The following MTPN variants were observed in gnomAD, a reference collection of about 807,000 sequenced individuals.
MTPN encodes myotrophin.
Under a neutral mutation model 13.5 loss-of-function variants are expected in MTPN, and 2 were observed. The ratio of observed to expected loss-of-function variants is 0.15; its 90% CI spans 0.06 to 0.47. The LOEUF is 0.47. Ranked by LOEUF, MTPN falls within the 20% of genes least tolerant of loss-of-function variation. The probability of loss-of-function intolerance (pLI) is 0.97; values close to 1 mark genes in which losing one functional copy is unlikely to be tolerated. For missense variants in MTPN, 79 were observed against 137.9 expected (o/e 0.57, Z 2.14); for synonymous variants, 46 against 51.7 (o/e 0.89, Z 0.48).
intron 1 of MTPN, among the ~76,000 whole-genome samples, chr7:135,952,740 T>A (rs757798841): frequency 6.6e-6 from 1 of 152,132 alleles, no homozygotes; most frequent in Non-Finnish European, 1.5e-5. Context: ...GACTGGTACA[T>A]CACTTGAGCC....
At chr7:135,950,531 A>G in intron 3 of MTPN, 68 bp downstream of exon 3, 1 of 1,258,062 alleles carries the variant, frequency 7.9e-7, no homozygotes, top group Non-Finnish European at 1.1e-6. Context: ...ATTCAAATAA[A>G]TTAACAATCA....
rs1025699027 is a variant in MTPN at position 135,927,106 on chromosome 7, G to A, written c.*2820C>T. 3.1e-5 allele frequency: 15 copies of A among 480,484 alleles called. 1 individual carries two copies. The highest frequency in any genetic ancestry group is 4.6e-5 in the Non-Finnish European group (13 of 280,250). The allele number at this position is 480,484 out of a possible 1,614,324, so 29.8% of individuals were successfully genotyped here. Reference sequence around the variant, plus strand: ...CACAATTGAGTATACAATATTGCATGGAAGAAAACAGCAGCTCAACTGAAA... The same window carrying A: ...CACAATTGAGTATACAATATTGCATAGAAGAAAACAGCAGCTCAACTGAAA... On this transcript the variant is annotated 3_prime_UTR_variant, in exon 4 of 4. Coordinates refer to ENST00000393085, the MANE Select transcript of MTPN (RefSeq NM_145808.4).
At chr7:135,976,138 C>G (rs577775792) in intron 1 of MTPN, among the ~76,000 whole-genome samples, 2 of 152,294 alleles carry the variant, frequency 1.3e-5, no homozygotes, top group African/African-American at 4.8e-5. Context: ...TACAAAGGCA[C>G]AGTTTCAGGA....
intron 3 of MTPN, among the ~76,000 whole-genome samples, chr7:135,950,245 C>T (rs1310511466): frequency 1.3e-5 from 2 of 152,196 alleles, no homozygotes; most frequent in African/African-American, 2.4e-5. Flanking sequence ...ACCAGTGCTA[C>T]TCAAAGCATG....
At chr7:135,945,616 A>T (rs1344556836) in intron 3 of MTPN, among the ~76,000 whole-genome samples, 1 of 152,178 alleles carries the variant, frequency 6.6e-6, no homozygotes, top group Non-Finnish European at 1.5e-5. Context: ...TTCAGGGGCA[A>T]GAGAATACAT....
chr7:135,951,145 A>G (rs1284351317), intron 2 of MTPN, among the ~76,000 whole-genome samples: 5 of 152,190 alleles, frequency 3.3e-5, no homozygotes, highest in African/African-American at 4.8e-5. Flanking sequence ...CCACTTGCCC[A>G]TTGACCTTTG....
intron 1 of MTPN, among the ~76,000 whole-genome samples, chr7:135,953,840 A>C (rs1799400557): frequency 6.6e-6 from 1 of 152,188 alleles, no homozygotes; most frequent in Admixed American, 6.5e-5. Flanking sequence ...CTAAGTTAAG[A>C]CTACTTCAAT....
At chr7:135,937,614 G>A (rs1415486261) in intron 3 of MTPN, among the ~76,000 whole-genome samples, 2 of 152,014 alleles carry the variant, frequency 1.3e-5, no homozygotes, top group African/African-American at 2.4e-5. Context: ...CTAATACAAC[G>A]TAAACACTAT....
Position 135,927,357 on chromosome 7 carries a change from GAAGCTGC to G in MTPN, c.*2562_*2568del. On this transcript the variant is annotated 3_prime_UTR_variant, in exon 4 of 4. Coordinates refer to ENST00000393085, the MANE Select transcript of MTPN (RefSeq NM_145808.4). ...ACGATAAGCCTATAGATAACAGTCT[GAAGCTGC>G]AAGGGAGACTTTGTTAGTACACTAC... The G allele has an allele frequency of 1.9e-6, 3 of 1,551,070 alleles. No homozygotes were observed. Among genetic ancestry groups the G allele is most frequent in the Non-Finnish European group, 2.6e-6 (3 of 1,146,532 alleles).
chr7:135,929,745 C>T lies in MTPN; in HGVS notation c.*181G>A. The T allele has an allele frequency of 3.3e-6, 2 of 613,646 alleles. No homozygotes were observed. The highest frequency in any genetic ancestry group is 5.9e-6 in the Non-Finnish European group (2 of 338,580). The allele number at this position is 613,646 out of a possible 1,614,324, so 38.0% of individuals were successfully genotyped here. A position where few individuals can be genotyped will look rare whatever the true frequency, so the allele number is the denominator to read the frequency against. ...AAAAGCCTGATCATGGTTCCTTTTG[C>T]CCCTCCTCCAAAACAATTTTTTTTT... On this transcript the variant is annotated 3_prime_UTR_variant, in exon 4 of 4. Transcript: ENST00000393085.
chr7:135,966,077 T>A (rs1306862797), intron 1 of MTPN, among the ~76,000 whole-genome samples: 1 of 152,064 alleles, frequency 6.6e-6, no homozygotes, highest in African/African-American at 2.4e-5. Context: ...ATCAGACTGA[T>A]TAATAGACAT....
Position 135,928,027 on chromosome 7 carries a change from C to T in MTPN, c.*1899G>A, listed in dbSNP as rs1399516069. On this transcript the variant is annotated 3_prime_UTR_variant, in exon 4 of 4. Transcript: ENST00000393085. ...GGTATCAAAACACCCTGTTGCACTA[C>T]GTTGATAGTTATAGACTGATAGAGT... 7.8e-6 allele frequency: 2 copies of T among 257,108 alleles called. No individual in the cohort carries two copies. The highest frequency in any genetic ancestry group is 1.6e-5 in the Non-Finnish European group (2 of 122,584). 15.9% of individuals were successfully genotyped at this position (257,108 alleles called of 1,614,324 possible).
Position 135,966,277 on chromosome 7 carries a change from G to A in MTPN, c.72+10752C>T, listed in dbSNP as rs116993501. Among the ~76,000 whole-genome samples, 518 of 152,120 alleles carry A rather than the reference G, an allele frequency of 3.4e-3. 4 individuals carry two copies. The highest frequency in any genetic ancestry group is 5.0e-3 in the Non-Finnish European group (342 of 67,978). On this transcript the variant is annotated intron_variant, in intron 1 of 3. Coordinates refer to ENST00000393085, the MANE Select transcript of MTPN (RefSeq NM_145808.4). ...CTGCCATCACAGCTTAGCCCAGCCC[G>A]CCTTGAATGTGCTCAGAACACTTAC... is the stretch of plus-strand genomic sequence containing the variant.
intron 1 of MTPN, among the ~76,000 whole-genome samples, chr7:135,952,875 CCT>C (rs1247676288): frequency 1.3e-5 from 2 of 152,090 alleles, no homozygotes; most frequent in Admixed American, 6.5e-5. Flanking sequence ...GGGAGGATCC[CCT>C]GAGCCCAGGA....
At chr7:135,932,782 G>A (rs1403320050) in intron 3 of MTPN, 1 of 151,860 alleles carries the variant, frequency 6.6e-6, no homozygotes, top group African/African-American at 2.4e-5. Context: ...CATCAAAAGG[G>A]ATACAATACT....
chr7:135,977,217 AGAG>A lies in MTPN; in HGVS notation c.-120_-118del. 9.5e-7 allele frequency: 1 copy of A among 1,055,976 alleles called. No homozygotes were observed. The highest frequency in any genetic ancestry group is 1.3e-5 in the South Asian group (1 of 78,650). 65.4% of individuals were successfully genotyped at this position (1,055,976 alleles called of 1,614,324 possible). A position where few individuals can be genotyped will look rare whatever the true frequency, so the allele number is the denominator to read the frequency against. ...CCGCGCGAAGCCGGAGAGGAGAAGAAGAGAAGGAGGGTTAGGCTGCCAGGCGGG... is the reference window on the plus strand; with the variant it reads ...CCGCGCGAAGCCGGAGAGGAGAAGAAAAGGAGGGTTAGGCTGCCAGGCGGG... On this transcript the variant is annotated 5_prime_UTR_variant, in exon 1 of 4. Transcript: ENST00000393085.
At chr7:135,948,053 T>A (rs1799311178) in intron 3 of MTPN, among the ~76,000 whole-genome samples, 1 of 152,172 alleles carries the variant, frequency 6.6e-6, no homozygotes, top group African/African-American at 2.4e-5. Context: ...TTCAAGTGAA[T>A]TCATAATAAT....
chr7:135,956,556 G>C (rs768082545), intron 1 of MTPN, among the ~76,000 whole-genome samples: 5 of 151,976 alleles, frequency 3.3e-5, no homozygotes, highest in African/African-American at 1.2e-4. Flanking sequence ...TTCATTCTCA[G>C]CAGATGAGCC....
At chr7:135,947,307 C>T (rs1350754133) in intron 3 of MTPN, among the ~76,000 whole-genome samples, 3 of 152,100 alleles carry the variant, frequency 2.0e-5, no homozygotes, top group African/African-American at 7.2e-5. Flanking sequence ...TTGCCTTTTG[C>T]AACAATACTC....
Sources: allele counts gnomAD v4.1 joint callset (sites outside exome capture counted in the v4.1 genomes callset), GRCh38; gene constraint gnomAD v4.1.1; transcripts MANE v1.5; gene names NCBI Gene and HGNC (gene_info 2026-07-23, HGNC 2026-07-21).